The following ZNRF3 variants were observed in gnomAD, a reference collection of about 807,000 sequenced individuals.
The protein encoded by ZNRF3 is zinc and ring finger 3.
Under a neutral mutation model 72.5 loss-of-function variants are expected in ZNRF3, and 23 were observed. The ratio of observed to expected loss-of-function variants is 0.32; its 90% CI spans 0.23 to 0.45. The LOEUF (loss-of-function observed/expected upper bound fraction) is 0.45, where lower values mean the gene tolerates loss of function less well. ZNRF3 is among the 20% of genes least tolerant of loss of function. The pLI is 1.00. For missense variants in ZNRF3, 1,169 were observed against 1,272.1 expected, an observed-to-expected ratio of 0.92 and a Z score of 1.23; for synonymous variants, 610 against 545.3, an observed-to-expected ratio of 1.12 and a Z score of -1.65.
intron 1 of ZNRF3, among the ~76,000 whole-genome samples, chr22:28,937,188 TATATATATATATATATATATA>T (rs2034838116): frequency 2.8e-4 from 1 of 3,536 alleles, no homozygotes; most frequent in Admixed American, 3.8e-3. Flanking sequence ...TATATATATA[TATATATATATATATATATATA>T]TATATATTTT....
intron 1 of ZNRF3, among the ~76,000 whole-genome samples, chr22:28,936,105 A>G (rs1348590175): frequency 6.6e-6 from 1 of 152,190 alleles, no homozygotes; most frequent in Non-Finnish European, 1.5e-5. Context: ...CCCAACCGCC[A>G]TAGTTTTGTT....
Position 29,030,687 on chromosome 22 carries a change from C to T in ZNRF3, c.427-11808C>T, listed in dbSNP as rs1239624225. On this transcript the variant is annotated intron_variant, in intron 2 of 8. Coordinates refer to ENST00000544604, the MANE Select transcript of ZNRF3 (RefSeq NM_001206998.2). The surrounding 1 kb of genome is among the most constrained non-coding windows in gnomAD (Gnocchi z 4.2). Reference sequence around the variant, plus strand: ...GGATGGCAGCCCGCCCCGAAAGTCCCGGCCCGCTGGATTGGGGGTTCGGGG... The same window carrying T: ...GGATGGCAGCCCGCCCCGAAAGTCCTGGCCCGCTGGATTGGGGGTTCGGGG... Among the ~76,000 whole-genome samples, 1 of 133,338 alleles carries T rather than the reference C, an allele frequency of 7.5e-6. No individual in the cohort carries two copies. Among genetic ancestry groups the T allele is most frequent in the Non-Finnish European group, 1.6e-5 (1 of 64,452 alleles). The allele number at this position is 133,338 out of a possible 152,430, so 87.5% of individuals were successfully genotyped here.
At chr22:28,985,677 G>A (rs1242879992) in intron 1 of ZNRF3, among the ~76,000 whole-genome samples, 1 of 152,222 alleles carries the variant, frequency 6.6e-6, no homozygotes, top group Non-Finnish European at 1.5e-5. Flanking sequence ...TCACCTCTGG[G>A]TGTGCCACAT....
At chr22:28,884,666 A>T (rs1188343221) in intron 1 of ZNRF3, among the ~76,000 whole-genome samples, 2 of 152,260 alleles carry the variant, frequency 1.3e-5, no homozygotes, top group Admixed American at 1.3e-4. Flanking sequence ...TGGAGTGGCG[A>T]TGGAAGGCAG....
intron 1 of ZNRF3, among the ~76,000 whole-genome samples, chr22:28,924,938 C>A (rs1456111535): frequency 6.6e-6 from 1 of 152,018 alleles, no homozygotes; most frequent in Admixed American, 6.6e-5. Context: ...AGGATCACCA[C>A]CACCCCTAGC....
chr22:29,047,429 A>G (rs886820890), intron 6 of ZNRF3, among the ~76,000 whole-genome samples: 3 of 152,216 alleles, frequency 2.0e-5, no homozygotes, highest in African/African-American at 7.2e-5. Context: ...TGAGAATTAC[A>G]GACATTTGAT....
chr22:28,911,923 C>T (rs1328657004), intron 1 of ZNRF3, among the ~76,000 whole-genome samples: 2 of 152,100 alleles, frequency 1.3e-5, no homozygotes, highest in African/African-American at 4.8e-5. Flanking sequence ...GCGGCTTCCC[C>T]CAAATGAATG....
intron 2 of ZNRF3, among the ~76,000 whole-genome samples, chr22:28,991,155 G>T (rs992450355): frequency 6.6e-6 from 1 of 151,488 alleles, no homozygotes; most frequent in Admixed American, 6.6e-5. Context: ...GGTGGTGCAT[G>T]CCTGTGGTTT....
chr22:28,912,774 C>T (rs1183256675), intron 1 of ZNRF3, among the ~76,000 whole-genome samples: 2 of 150,856 alleles, frequency 1.3e-5, no homozygotes, highest in African/African-American at 4.9e-5. Context: ...AAGTGATTCT[C>T]CTGCCTCAGC....
intron 2 of ZNRF3, among the ~76,000 whole-genome samples, chr22:29,007,355 C>T (rs563051507): frequency 3.9e-5 from 6 of 152,308 alleles, no homozygotes; most frequent in East Asian, 1.9e-4. Flanking sequence ...ATCTTGTTCA[C>T]GTCATGCACG....
At position 29,043,409 on chromosome 22, in the gene ZNRF3, G is replaced by T. The variant is rs1390100413; in HGVS notation, c.612G>T (p.Arg204Ser). Reference sequence around the variant, plus strand: ...ACAAGCAGAAAGTGGCTCGAGCAAGGATCCAGCACCGCCCTCCTCGAGTGA... The same window carrying T: ...ACAAGCAGAAAGTGGCTCGAGCAAGTATCCAGCACCGCCCTCCTCGAGTGA... The part of the protein sequence containing the change: ...IVNKQKVARA[R>S]IQHRPPRQPT... The change falls in exon 4 of 9, where the codon AGG becomes AGT. Residue 204 changes from arginine (R) to serine (S), a missense_variant. Coordinates refer to ENST00000544604, the MANE Select transcript of ZNRF3 (RefSeq NM_001206998.2). 2 of 1,613,736 alleles carry T rather than the reference G, an allele frequency of 1.2e-6. No individual in the cohort carries two copies. The highest frequency in any genetic ancestry group is 1.7e-6 in the Non-Finnish European group (2 of 1,179,998).
intron 1 of ZNRF3, among the ~76,000 whole-genome samples, chr22:28,910,709 G>A (rs962676312): frequency 6.6e-6 from 1 of 152,230 alleles, no homozygotes; most frequent in African/African-American, 2.4e-5. Flanking sequence ...CTGAGATGGT[G>A]ACAGTATAAC....
chr22:28,933,941 A>G (rs1278982769), intron 1 of ZNRF3, among the ~76,000 whole-genome samples: 1 of 151,560 alleles, frequency 6.6e-6, no homozygotes, highest in East Asian at 1.9e-4. Flanking sequence ...GCAGTTAAAC[A>G]TGGCTGAGTG....
At chr22:28,929,377 T>C (rs1419670572) in intron 1 of ZNRF3, among the ~76,000 whole-genome samples, 1 of 152,198 alleles carries the variant, frequency 6.6e-6, no homozygotes, top group African/African-American at 2.4e-5. Context: ...CTGTGCGTTG[T>C]AGGATATCGA....
In ZNRF3 at chr22:28,898,579, G is replaced by A. The variant is rs752517916; in HGVS notation, c.300+14513G>A. Reference sequence around the variant, plus strand: ...ATATTTTGGTGTCACTTAAAACACCGGGACTTTTGGAGGCGTAGTAGAAGT... The same window carrying A: ...ATATTTTGGTGTCACTTAAAACACCAGGACTTTTGGAGGCGTAGTAGAAGT... On this transcript the variant is annotated intron_variant, in intron 1 of 8. Coordinates refer to ENST00000544604, the MANE Select transcript of ZNRF3 (RefSeq NM_001206998.2). Among the ~76,000 whole-genome samples, 4 of 152,308 alleles carry A rather than the reference G, an allele frequency of 2.6e-5. No homozygotes were observed. The South Asian group carries it at 6.2e-4, about 24-fold the overall frequency.
chr22:29,031,273 A>C (rs1232556512), intron 2 of ZNRF3: 1 of 152,174 alleles, frequency 6.6e-6, no homozygotes, highest in Non-Finnish European at 1.5e-5. Context: ...ACCCTAGTAC[A>C]AATTACCCAA....
At chr22:28,892,136 T>C (rs2033898516) in intron 1 of ZNRF3, among the ~76,000 whole-genome samples, 1 of 152,224 alleles carries the variant, frequency 6.6e-6, no homozygotes, top group Admixed American at 6.5e-5. Flanking sequence ...GCTCATTGAA[T>C]CCTCTTGGTT....
chr22:28,966,258 T>C (rs990900814), intron 1 of ZNRF3, among the ~76,000 whole-genome samples: 1 of 152,268 alleles, frequency 6.6e-6, no homozygotes, highest in East Asian at 1.9e-4. Context: ...TGAAAACTAC[T>C]GCCTATAGTC....
Position 29,054,011 on chromosome 22 carries a change from G to GA in ZNRF3, c.*398dup, listed in dbSNP as rs199953416. 7,076 of 155,014 alleles carry GA rather than the reference G, an allele frequency of 0.046. 236 individuals are homozygous for GA. The highest frequency in any genetic ancestry group is 0.07 in the Non-Finnish European group (4,903 of 70,472). The allele number at this position is 155,014 out of a possible 1,614,324, so 9.6% of individuals were successfully genotyped here. Reference sequence around the variant, plus strand: ...CTAACTGCCAACTTTTGCTGAAAAAGAAAAAAAAATCACTGCTGCATTAAA... The same window carrying GA: ...CTAACTGCCAACTTTTGCTGAAAAAGAAAAAAAAAATCACTGCTGCATTAAA... On this transcript the variant is annotated 3_prime_UTR_variant, in exon 9 of 9. Coordinates refer to ENST00000544604, the MANE Select transcript of ZNRF3 (RefSeq NM_001206998.2).
Sources: gnomAD v4.1 joint callset for allele counts (sites outside exome capture counted in the v4.1 genomes callset) on GRCh38, gnomAD v4.1.1 for gene constraint, Gnocchi (gnomAD v3.1) non-coding constraint, MANE v1.5 for transcripts, NCBI Gene and HGNC (gene_info 2026-07-23, HGNC 2026-07-21) for gene names.